The following SHROOM2 variants were observed in gnomAD, a reference collection of about 807,000 sequenced individuals.
SHROOM2 encodes shroom family member 2, also known as protein Shroom2.
SHROOM2 carries 33 observed loss-of-function variants against 75.9 expected under a neutral mutation model. The ratio of observed to expected loss-of-function variants is 0.43; its 90% CI spans 0.33 to 0.58. The LOEUF is 0.58. Among genes scored for constraint, SHROOM2 ranks in the 20% least tolerant of loss-of-function variants. The pLI is 0.04. For synonymous variants in SHROOM2, 655 were observed against 663.6 expected (o/e 0.99, Z 0.20); for missense variants, 1,434 against 1,461.2 (o/e 0.98, Z 0.30).
At chrX:9,821,364 G>A (rs1297890456) in intron 1 of SHROOM2, among the ~76,000 whole-genome samples, 2 of 111,764 alleles carry the variant, frequency 1.8e-5, no homozygotes. Flanking sequence ...AACCAGTAGA[G>A]GACGTGGGGG....
intron 5 of SHROOM2, among the ~76,000 whole-genome samples, chrX:9,920,447 T>C (rs1160789186): frequency 8.9e-6 from 1 of 112,208 alleles, no homozygotes; most frequent in Non-Finnish European, 1.9e-5. Context: ...CTCAAATTCA[T>C]ACATTGCTTG....
chrX:9,898,239 G>A lies in SHROOM2; in HGVS notation c.2840G>A (p.Arg947Lys). 5.0e-6 allele frequency: 6 copies of A among 1,189,267 alleles called. No individual in the cohort carries two copies. Among genetic ancestry groups the A allele is most frequent in the Non-Finnish European group, 6.8e-6 (6 of 884,024 alleles). The stretch of plus-strand genomic sequence containing the variant: ...CAGGCAGGGGACCCCGGCGAGCCCA[G>A]AGAAGAGCTTCCCTCCGCAGTCCGG... ...RRQAGDPGEP[R>K]EELPSAVRAE... is the part of the protein sequence containing the mutation. The change falls in exon 5 of 10, where the codon AGA becomes AAA. Residue 947 changes from arginine (R) to lysine (K), a missense_variant. By Grantham distance (26) the Arg-to-Lys change is conservative. Transcript: ENST00000380913.
chrX:9,932,807 A>G lies in SHROOM2; in HGVS notation c.3524A>G (p.Gln1175Arg). The G allele has an allele frequency of 8.3e-7, 1 of 1,206,917 alleles. No individual in the cohort carries two copies. The highest frequency in any genetic ancestry group is 1.1e-6 in the Non-Finnish European group (1 of 894,621). The change falls in exon 6 of 10, where the codon CAG becomes CGG. Residue 1175 changes from glutamine to arginine, a missense_variant. Around this residue, in one of 3 missense-constraint regions of SHROOM2, gnomAD observed 1,340 missense variants for 1,338.3 expected, o/e 1.00. Transcript: ENST00000380913. The stretch of plus-strand genomic sequence containing the variant: ...GAGACCTCGCGCTCCCCCTCGCCCC[A>G]GTTCGCCCCCCAGAAACTGACGGAC... ...TMETSRSPSP[Q>R]FAPQKLTDKP...
chrX:9,831,900 C>T (rs969236891), intron 1 of SHROOM2, among the ~76,000 whole-genome samples: 1 of 110,362 alleles, frequency 9.1e-6, no homozygotes, highest in African/African-American at 3.3e-5. Context: ...TCCCAAAGGC[C>T]CCACCTCCTA....
intron 1 of SHROOM2, among the ~76,000 whole-genome samples, chrX:9,797,865 C>G (rs1400600680): frequency 8.9e-6 from 1 of 112,029 alleles, no homozygotes; most frequent in Non-Finnish European, 1.9e-5. Context: ...GACCTTCCTC[C>G]TGGTGGTGGT....
Position 9,947,110 on chromosome X carries a change from A to AT in SHROOM2, c.*179dup. On this transcript the variant is annotated 3_prime_UTR_variant, in exon 10 of 10. Transcript: ENST00000380913. Reference sequence around the variant, plus strand: ...GTGTTTGTGTGGGATGATTTATTTAATTTTTTAGTTTCCCCTTTGATTGCT... The same window carrying AT: ...GTGTTTGTGTGGGATGATTTATTTAATTTTTTTAGTTTCCCCTTTGATTGCT... 5.9e-6 allele frequency: 3 copies of AT among 511,298 alleles called. No homozygotes were observed. The highest frequency in any genetic ancestry group is 9.4e-6 in the Non-Finnish European group (3 of 317,752). The allele number at this position is 511,298 out of a possible 1,213,427, so 42.1% of individuals were successfully genotyped here.
intron 5 of SHROOM2, among the ~76,000 whole-genome samples, chrX:9,910,078 G>A (rs1434276109): frequency 9.0e-6 from 1 of 110,506 alleles, no homozygotes; most frequent in Non-Finnish European, 1.9e-5. Context: ...TCACCTGGGG[G>A]TTAGGTTTCA....
chrX:9,798,197 C>T (rs1009645475), intron 1 of SHROOM2, among the ~76,000 whole-genome samples: 2 of 111,063 alleles, frequency 1.8e-5, no homozygotes, highest in African/African-American at 3.3e-5. Context: ...GTGGAGGAAG[C>T]TGGTAGGGAG....
Position 9,835,687 on chromosome X carries a change from C to T in SHROOM2, c.166-37965C>T, listed in dbSNP as rs138681770. On this transcript the variant is annotated intron_variant, in intron 1 of 9. Transcript: ENST00000380913. ...CCTAGGGGGGTACTGGGTGCAGAAG[C>T]CCAGCACTGCTTTTGCCCGACCTCA... Among the ~76,000 whole-genome samples the T allele has an allele frequency of 7.3e-3, 814 of 110,965 alleles. 7 individuals carry two copies. Among genetic ancestry groups the T allele is most frequent in the African/African-American group, 0.025 (756 of 30,407 alleles).
rs766691300 is a variant in SHROOM2 at position 9,894,737 on chromosome X, G to A, written c.829G>A (p.Gly277Ser). Residue 277 changes from glycine (G) to serine (S), a missense_variant, in exon 4 of 10, where the codon GGC (glycine) becomes AGC (serine). By Grantham distance (56) the Gly-to-Ser change is moderately conservative. This residue lies in a region of SHROOM2 where 1,340 missense variants were observed against 1,338.3 expected (regional missense o/e 1.00). Coordinates refer to ENST00000380913, the MANE Select transcript of SHROOM2 (RefSeq NM_001649.4). ...CCCGCCCAGGGTCCCCGGTGACAGC[G>A]GCAAAGGCCCCAGGCCAGAGTACAA... ...CFPPRVPGDS[G>S]KGPRPEYNAE... 2.7e-5 allele frequency: 33 copies of A among 1,209,934 alleles called. No individual in the cohort carries two copies. Among genetic ancestry groups the A allele is most frequent in the South Asian group, 3.5e-5 (2 of 56,694 alleles).
chrX:9,932,986 C>A, intron 6 of SHROOM2, 116 bp downstream of exon 6: 1 of 585,263 alleles, frequency 1.7e-6, no homozygotes, highest in Non-Finnish European at 2.6e-6. Flanking sequence ...AGGCGTTGGA[C>A]TTAAAGTCAG....
At chrX:9,790,118 A>G (rs188674000) in intron 1 of SHROOM2, among the ~76,000 whole-genome samples, 261 of 112,165 alleles carry the variant, frequency 2.3e-3, no homozygotes, top group Admixed American at 3.5e-3. Context: ...GCCAGGTGGC[A>G]AGTGTCTTAT....
intron 2 of SHROOM2, chrX:9,874,704 G>GTCTTGGCTGGTTTGAGTGCAGCGGTGTTT: frequency 9.0e-6 from 1 of 110,776 alleles, no homozygotes; most frequent in Non-Finnish European, 1.9e-5. Flanking sequence ...AACCAGCCAA[G>GTCTTGGCTGGTTTGAGTGCAGCGGTGTTT]ACAAATTCCT....
At chrX:9,887,380 C>T (rs1189646125) in intron 2 of SHROOM2, among the ~76,000 whole-genome samples, 2 of 112,423 alleles carry the variant, frequency 1.8e-5, no homozygotes, top group Admixed American at 1.9e-4. Context: ...AGCATGGTGG[C>T]GCATGCCTGT....
chrX:9,787,340 G>T (rs1269724429), intron 1 of SHROOM2, among the ~76,000 whole-genome samples: 1 of 111,260 alleles, frequency 9.0e-6, no homozygotes, highest in Non-Finnish European at 1.9e-5. Context: ...CAGGAATGTT[G>T]TGTGTGTGTG....
In SHROOM2 at chrX:9,946,834, C is replaced by T. The variant is rs1281106365; in HGVS notation, c.4748C>T (p.Ser1583Leu). ...TATGAGCACTTCGTGAAGATGAAGTCGGCCCTCATCATCGAGCAGCGGGAG... is the reference window on the plus strand; with the variant it reads ...TATGAGCACTTCGTGAAGATGAAGTTGGCCCTCATCATCGAGCAGCGGGAG... ...ADYEHFVKMK[S>L]ALIIEQRELE... Residue 1583 changes from serine to leucine, a missense_variant, in exon 10 of 10, where the codon TCG becomes TTG. Around this residue, in one of 3 missense-constraint regions of SHROOM2, gnomAD observed 80 missense variants for 88.4 expected, o/e 0.90. Transcript: ENST00000380913. 4 of 1,199,112 alleles carry T rather than the reference C, an allele frequency of 3.3e-6. No homozygotes were observed. The African/African-American group carries it at 5.2e-5, about 16-fold the overall frequency.
At chrX:9,836,682 C>G (rs1200556244) in intron 1 of SHROOM2, among the ~76,000 whole-genome samples, 1 of 111,175 alleles carries the variant, frequency 9.0e-6, no homozygotes, top group East Asian at 2.8e-4. Flanking sequence ...CCATCTCAAC[C>G]TCCCAAACTG....
chrX:9,833,311 T>G (rs2083925828), intron 1 of SHROOM2, among the ~76,000 whole-genome samples: 1 of 111,489 alleles, frequency 9.0e-6, no homozygotes, highest in Non-Finnish European at 1.9e-5. Flanking sequence ...CTGGCTCTTG[T>G]GTTAGTGTAG....
intron 5 of SHROOM2, among the ~76,000 whole-genome samples, chrX:9,925,110 C>A (rs2084582051): frequency 1.8e-5 from 2 of 112,022 alleles, no homozygotes; most frequent in Non-Finnish European, 3.8e-5. Context: ...CCACTGTCTC[C>A]TTTTTCCACC....
Sources: allele counts gnomAD v4.1 joint callset (sites outside exome capture counted in the v4.1 genomes callset), GRCh38; gene constraint gnomAD v4.1.1; regional missense constraint gnomAD v4.1.1; transcripts MANE v1.5; gene names NCBI Gene and HGNC (gene_info 2026-07-23, HGNC 2026-07-21).